The following L3MBTL4 variants were observed in gnomAD, a reference collection of about 807,000 sequenced individuals.
L3MBTL4 encodes L3MBTL histone methyl-lysine binding protein 4.
Under a neutral mutation model 84.5 loss-of-function variants are expected in L3MBTL4, and 70 were observed. The observed-to-expected ratio is 0.83, with a 90% confidence interval of 0.68 to 1.01. The LOEUF (loss-of-function observed/expected upper bound fraction) is 1.01, where lower values mean the gene tolerates loss of function less well. Among genes scored for constraint, L3MBTL4 ranks in the 50% least tolerant of loss-of-function variants. The probability of loss-of-function intolerance (pLI) is 0.00; values close to 1 mark genes in which losing one functional copy is unlikely to be tolerated. For synonymous variants in L3MBTL4, 274 were observed against 259.8 expected (o/e 1.05, Z -0.52); for missense variants, 715 against 754.8 (o/e 0.95, Z 0.62).
chr18:6,208,527 G>C (rs1182196249), intron 12 of L3MBTL4, among the ~76,000 whole-genome samples: 1 of 152,156 alleles, frequency 6.6e-6, no homozygotes. Flanking sequence ...TCATTTCACA[G>C]CTTAGCTGCA....
chr18:6,371,212 G>A (rs568750016), intron 1 of L3MBTL4, among the ~76,000 whole-genome samples: 7 of 152,314 alleles, frequency 4.6e-5, no homozygotes, highest in Middle Eastern at 3.4e-3. Flanking sequence ...CAAAACTGGC[G>A]GCGGGCCAGA....
chr18:6,048,076 A>G (rs892826549), intron 16 of L3MBTL4, among the ~76,000 whole-genome samples: 5 of 152,216 alleles, frequency 3.3e-5, no homozygotes, highest in Admixed American at 1.3e-4. Context: ...GCAAAAACCA[A>G]TGTAGAAAAA....
intron 14 of L3MBTL4, among the ~76,000 whole-genome samples, chr18:6,112,451 T>C (rs539126988): frequency 1.3e-5 from 2 of 152,306 alleles, no homozygotes; most frequent in South Asian, 2.1e-4. Flanking sequence ...ATCACAACTA[T>C]AGCCTGTAAG....
intron 14 of L3MBTL4, among the ~76,000 whole-genome samples, chr18:6,129,996 T>C (rs1444906915): frequency 6.6e-6 from 1 of 152,234 alleles, no homozygotes; most frequent in Non-Finnish European, 1.5e-5. Context: ...TATATTATTT[T>C]ATTTCTCCTT....
intron 10 of L3MBTL4, among the ~76,000 whole-genome samples, chr18:6,226,825 T>A (rs1568344920): frequency 1.3e-5 from 2 of 151,904 alleles, no homozygotes; most frequent in African/African-American, 2.4e-5. Context: ...GGAAAATATT[T>A]AAAAAAACCA....
At chr18:6,386,402 C>T (rs2054820830) in intron 1 of L3MBTL4, among the ~76,000 whole-genome samples, 1 of 152,182 alleles carries the variant, frequency 6.6e-6, no homozygotes, top group South Asian at 2.1e-4. Flanking sequence ...TAGCAAGATT[C>T]TTTTCATGCA....
chr18:6,154,032 A>C (rs1405821171), intron 13 of L3MBTL4, among the ~76,000 whole-genome samples: 1 of 152,166 alleles, frequency 6.6e-6, no homozygotes, highest in Non-Finnish European at 1.5e-5. Flanking sequence ...GTTCCTTTCT[A>C]ATGTGAATGC....
At chr18:6,404,025 T>C (rs1217136644) in intron 1 of L3MBTL4, among the ~76,000 whole-genome samples, 1 of 152,008 alleles carries the variant, frequency 6.6e-6, no homozygotes, top group African/African-American at 2.4e-5. Flanking sequence ...ATATTCTCAC[T>C]TCTAACTGAG....
At chr18:6,023,097 T>G (rs959338603) in intron 16 of L3MBTL4, among the ~76,000 whole-genome samples, 2 of 152,198 alleles carry the variant, frequency 1.3e-5, no homozygotes, top group African/African-American at 4.8e-5. Flanking sequence ...AGGCCAGAGC[T>G]CAATACAGTG....
intron 12 of L3MBTL4, among the ~76,000 whole-genome samples, chr18:6,191,998 C>G (rs2045122103): frequency 6.8e-6 from 1 of 147,536 alleles, no homozygotes; most frequent in African/African-American, 2.6e-5. Context: ...TCCCCTCCTC[C>G]CCCCCCTCAA....
chr18:6,249,909 C>T (rs540562424), intron 5 of L3MBTL4, among the ~76,000 whole-genome samples: 3 of 152,140 alleles, frequency 2.0e-5, no homozygotes, highest in Non-Finnish European at 2.9e-5. Context: ...TTCTCTAGGT[C>T]ACACAGCTAG....
At chr18:6,289,331 T>A (rs1010181025) in intron 4 of L3MBTL4, among the ~76,000 whole-genome samples, 5 of 152,168 alleles carry the variant, frequency 3.3e-5, no homozygotes, top group African/African-American at 1.2e-4. Context: ...TCCTCTATAT[T>A]TAAAACAACA....
At chr18:6,055,417 A>G (rs1199915495) in intron 16 of L3MBTL4, among the ~76,000 whole-genome samples, 1 of 152,200 alleles carries the variant, frequency 6.6e-6, no homozygotes, top group Non-Finnish European at 1.5e-5. Flanking sequence ...CCCAACCGTT[A>G]AGAGGAAGAA....
At chr18:6,261,280 C>G (rs1040597271) in intron 5 of L3MBTL4, among the ~76,000 whole-genome samples, 12 of 152,222 alleles carry the variant, frequency 7.9e-5, no homozygotes. Context: ...AACACGTGGG[C>G]AGCTTGAGTG....
At chr18:6,404,424 G>A (rs1360345540) in intron 1 of L3MBTL4, among the ~76,000 whole-genome samples, 1 of 152,174 alleles carries the variant, frequency 6.6e-6, no homozygotes, top group African/African-American at 2.4e-5. Flanking sequence ...GGCAGGGGAG[G>A]AGGGAAATTC....
At chr18:6,108,165 C>A (rs1387978614) in intron 14 of L3MBTL4, among the ~76,000 whole-genome samples, 2 of 152,078 alleles carry the variant, frequency 1.3e-5, no homozygotes, top group African/African-American at 4.8e-5. Context: ...AACTGCAGTC[C>A]AGGTTGTGGA....
chr18:6,165,037 C>T (rs1598972173), intron 13 of L3MBTL4, among the ~76,000 whole-genome samples: 2 of 152,122 alleles, frequency 1.3e-5, no homozygotes, highest in South Asian at 2.1e-4. Flanking sequence ...GACGAATGCA[C>T]AAGCCTCAGT....
intron 1 of L3MBTL4, among the ~76,000 whole-genome samples, chr18:6,406,939 G>A (rs2055761450): frequency 6.6e-6 from 1 of 152,144 alleles, no homozygotes; most frequent in Non-Finnish European, 1.5e-5. Flanking sequence ...CAATTTGTTT[G>A]GAAATAAATG....
chr18:6,118,993 C>CTT (rs779523685), intron 14 of L3MBTL4, among the ~76,000 whole-genome samples: 1,965 of 83,710 alleles, frequency 0.023, 118 homozygotes, highest in African/African-American at 0.078. Flanking sequence ...TTTTTGGTTT[C>CTT]TTTTTTTTTT....
Sources: allele counts gnomAD v4.1 joint callset (sites outside exome capture counted in the v4.1 genomes callset), GRCh38; gene constraint gnomAD v4.1.1; transcripts MANE v1.5; gene names NCBI Gene and HGNC (gene_info 2026-07-23, HGNC 2026-07-21).